ADGRB2: variants seen among roughly 807,000 people sequenced by gnomAD.
ADGRB2 encodes brain-specific angiogenesis inhibitor 2.
ADGRB2 carries 47 observed loss-of-function variants against 178.7 expected under a neutral mutation model. That is an observed-to-expected ratio of 0.26 (90% CI 0.21 to 0.34). ADGRB2 has a LOEUF of 0.34. Ranked by LOEUF, ADGRB2 falls within the 10% of genes least tolerant of loss-of-function variation. The pLI is 1.00. For missense variants in ADGRB2, 1,584 were observed against 2,180.8 expected, an observed-to-expected ratio of 0.73 and a Z score of 5.45; for synonymous variants, 870 against 912.4, an observed-to-expected ratio of 0.95 and a Z score of 0.84.
chr1:31,738,514 G>A, intron 17 of ADGRB2, 73 bp downstream of exon 17: 2 of 1,555,166 alleles, frequency 1.3e-6, no homozygotes, highest in South Asian at 1.2e-5. Flanking sequence ...TTGCCTTTTA[G>A]GCAGGAGACC....
chr1:31,728,803 A>ACAC lies in ADGRB2; in HGVS notation c.4381-171_4381-170insGTG. The stretch of plus-strand genomic sequence containing the variant: ...TGGGGCAGCTTTTCAGGCCTCACTG[A>ACAC]ACACACACACACACACACACACACA... On this transcript the variant is annotated intron_variant, in intron 29 of 32. Transcript: ENST00000373658. This position sits in a 1 kb window ranked among gnomAD's most constrained non-coding sequence, Gnocchi z 6.7. 8.7e-6 allele frequency among the ~76,000 whole-genome samples: 1 copy of ACAC among 115,530 alleles called. No homozygotes were observed. Among genetic ancestry groups the ACAC allele is most frequent in the East Asian group, 2.8e-4 (1 of 3,618 alleles). The allele number at this position is 115,530 out of a possible 152,430, so 75.8% of individuals were successfully genotyped here. A position where few individuals can be genotyped will look rare whatever the true frequency, so the allele number is the denominator to read the frequency against.
In ADGRB2 at chr1:31,740,497, C is replaced by T. The variant is rs567790554; in HGVS notation, c.1839G>A (p.Glu613=). The change falls in exon 12 of 33, where the codon GAG becomes GAA. Residue 613 remains glutamate, a synonymous_variant. Coordinates refer to ENST00000373658, the MANE Select transcript of ADGRB2 (RefSeq NM_001364857.2). The surrounding 1 kb of genome is among the most constrained non-coding windows in gnomAD (Gnocchi z 5.9). ...GGCTGCGCACCACCTGCGACATGCC[C>T]TCGCCTGCCAGCATGCGCTGCCCCT... is the stretch of plus-strand genomic sequence containing the variant. ...LAKGQRMLAG[E]GMSQVVRSLQ... 188 of 1,612,576 alleles carry T rather than the reference C, an allele frequency of 1.2e-4. No individual in the cohort carries two copies. The East Asian group carries it at 3.8e-3, about 33-fold the overall frequency.
At position 31,744,836 on chromosome 1, in the gene ADGRB2, A is replaced by C; in HGVS notation, c.839-105T>G. 9.5e-7 allele frequency: 1 copy of C among 1,053,992 alleles called. No homozygotes were observed. The highest frequency in any genetic ancestry group is 1.5e-6 in the Non-Finnish European group (1 of 686,604). The allele number at this position is 1,053,992 out of a possible 1,614,324, so 65.3% of individuals were successfully genotyped here. A position where few individuals can be genotyped will look rare whatever the true frequency, so the allele number is the denominator to read the frequency against. ...CTTGCCCTCCGCCTGAGGGCCTGGA[A>C]CCAACTGCATGATGCTCTCTCAGGA... On this transcript the variant is annotated intron_variant, in intron 4 of 32. Coordinates refer to ENST00000373658, the MANE Select transcript of ADGRB2 (RefSeq NM_001364857.2). The surrounding 1 kb of genome is among the most constrained non-coding windows in gnomAD (Gnocchi z 6.7).
chr1:31,762,897 G>A (rs1647084074), intron 1 of ADGRB2, among the ~76,000 whole-genome samples: 1 of 152,196 alleles, frequency 6.6e-6, no homozygotes, highest in Admixed American at 6.5e-5. Context: ...CGGCCCGGGC[G>A]CCCCTCCCCC....
At position 31,735,198 on chromosome 1, in the gene ADGRB2, G is replaced by A. The variant is rs1055592389; in HGVS notation, c.3437C>T (p.Ser1146Leu). The A allele has an allele frequency of 1.5e-6, 2 of 1,369,954 alleles. No homozygotes were observed. The highest frequency in any genetic ancestry group is 1.5e-5 in the African/African-American group (1 of 67,406). The allele number at this position is 1,369,954 out of a possible 1,614,324, so 84.9% of individuals were successfully genotyped here. The change falls in exon 25 of 33, where the codon TCG becomes TTG. Residue 1146 changes from serine to leucine, a missense_variant. Around this residue, in one of 3 missense-constraint regions of ADGRB2, gnomAD observed 865 missense variants for 1,192.8 expected, o/e 0.73. Transcript: ENST00000373658. The surrounding 1 kb of genome is among the most constrained non-coding windows in gnomAD (Gnocchi z 6.0). The stretch of plus-strand genomic sequence containing the variant: ...CACGACTAACATGGCGTTCCTGGCC[G>A]AGGCTGAGCTGAGCAGGGGGCTGGG... The part of the protein sequence containing the change: ...AVPSPLLSSA[S>L]ARNAMASLWS...
At chr1:31,738,147 G>T in intron 18 of ADGRB2, 53 bp downstream of exon 18, 1 of 1,595,670 alleles carries the variant, frequency 6.3e-7, no homozygotes, top group South Asian at 1.1e-5. Context: ...GATGGCTGCT[G>T]GAAGCCCAGG....
At position 31,740,929 on chromosome 1, in the gene ADGRB2, T is replaced by TACACACACACACA. The variant is rs1557760334; in HGVS notation, c.1795-389_1795-388insTGTGTGTGTGTGT. On this transcript the variant is annotated intron_variant, in intron 11 of 32. Coordinates refer to ENST00000373658, the MANE Select transcript of ADGRB2 (RefSeq NM_001364857.2). The surrounding 1 kb of genome is among the most constrained non-coding windows in gnomAD (Gnocchi z 5.9). ...CACACACACACACACACACACACTG[T>TACACACACACACA]CTTTCTCTCTCTCACTCTCTCTCAA... is the stretch of plus-strand genomic sequence containing the variant. Among the ~76,000 whole-genome samples the TACACACACACACA allele has an allele frequency of 4.3e-5, 4 of 93,770 alleles. No homozygotes were observed. The highest frequency in any genetic ancestry group is 1.1e-4 in the Admixed American group (1 of 9,420). The allele number at this position is 93,770 out of a possible 152,430, so 61.5% of individuals were successfully genotyped here.
At chr1:31,750,362 T>A (rs1467575836) in intron 4 of ADGRB2, among the ~76,000 whole-genome samples, 2 of 152,216 alleles carry the variant, frequency 1.3e-5, no homozygotes, top group Admixed American at 1.3e-4. Flanking sequence ...CAGATATTGC[T>A]GGGAGTTCCT....
At chr1:31,763,724 G>A (rs1557803098) in intron 1 of ADGRB2, among the ~76,000 whole-genome samples, 160 bp downstream of exon 1, 1 of 152,036 alleles carries the variant, frequency 6.6e-6, no homozygotes, top group Non-Finnish European at 1.5e-5. Context: ...CCCAGAAGAT[G>A]GGGGTGGGCG....
rs568271281 is a variant in ADGRB2, at chr1:31,737,543, C to T, written c.2877-12G>A. The T allele has an allele frequency of 1.2e-4, 198 of 1,613,442 alleles. 1 individual carries two copies. In the South Asian group the frequency reaches 2.0e-3, roughly 16 times the overall value. On this transcript the variant is annotated splice_polypyrimidine_tract_variant and intron_variant, in intron 19 of 32. Coordinates refer to ENST00000373658, the MANE Select transcript of ADGRB2 (RefSeq NM_001364857.2). ...CAGATTTTATGAACCTGCCGGGGCA[C>T]AGCAGGCAGGGACAGAGGCGCTGGC...
intron 18 of ADGRB2, 69 bp downstream of exon 18, chr1:31,738,131 A>G (rs1645728719): frequency 2.5e-6 from 4 of 1,587,334 alleles, no homozygotes; most frequent in Non-Finnish European, 1.7e-6. Flanking sequence ...TGCCAACACC[A>G]TCACTGATGG....
Position 31,732,629 on chromosome 1 carries a change from C to G in ADGRB2, c.3625-17G>C. 1 of 1,612,264 alleles carries G rather than the reference C, an allele frequency of 6.2e-7. No individual in the cohort carries two copies. Among genetic ancestry groups the G allele is most frequent in the South Asian group, 1.1e-5 (1 of 90,812 alleles). ...ATCCTGGACCTGGGGACAGAGGGCG[C>G]CTGCTGGGCCTGAGGCCACTGCAGG... On this transcript the variant is annotated splice_polypyrimidine_tract_variant and intron_variant, in intron 26 of 32. Coordinates refer to ENST00000373658, the MANE Select transcript of ADGRB2 (RefSeq NM_001364857.2).
Position 31,727,158 on chromosome 1 carries a change from C to T in ADGRB2, c.*262G>A, listed in dbSNP as rs533055014. The stretch of plus-strand genomic sequence containing the variant: ...TATTCCCAACAAAGTTCCCCTCCCC[C>T]CTCCCCAGCCCGGGACAGGGACGGA... On this transcript the variant is annotated 3_prime_UTR_variant, in exon 33 of 33. Coordinates refer to ENST00000373658, the MANE Select transcript of ADGRB2 (RefSeq NM_001364857.2). The surrounding 1 kb of genome is among the most constrained non-coding windows in gnomAD (Gnocchi z 4.4). The T allele has an allele frequency of 1.8e-5, 8 of 436,196 alleles. No homozygotes were observed. Among genetic ancestry groups the T allele is most frequent in the African/African-American group, 4.2e-5 (2 of 47,914 alleles). The allele number at this position is 436,196 out of a possible 1,614,324, so 27.0% of individuals were successfully genotyped here. A position where few individuals can be genotyped will look rare whatever the true frequency, so the allele number is the denominator to read the frequency against.
rs1039819508 is a variant in ADGRB2, at chr1:31,741,794, C to A, written c.1585+6G>T. The A allele has an allele frequency of 1.9e-5, 30 of 1,594,548 alleles. No individual in the cohort carries two copies. Among genetic ancestry groups the A allele is most frequent in the Non-Finnish European group, 2.5e-5 (29 of 1,167,070 alleles). On this transcript the variant is annotated splice_donor_region_variant and intron_variant, in intron 9 of 32. Coordinates refer to ENST00000373658, the MANE Select transcript of ADGRB2 (RefSeq NM_001364857.2). This position sits in a 1 kb window ranked among gnomAD's most constrained non-coding sequence, Gnocchi z 6.5. ...CCCCCAGCCCCCAGGGTCATTAGGG[C>A]AGTACCTGGACACCTCTTCTCACTA...
rs1645427170 is a variant in ADGRB2, at chr1:31,733,809, G to A, written c.3453-666C>T. Among the ~76,000 whole-genome samples, 1 of 152,084 alleles carries A rather than the reference G, an allele frequency of 6.6e-6. No homozygotes were observed. The highest frequency in any genetic ancestry group is 1.5e-5 in the Non-Finnish European group (1 of 67,992). The stretch of plus-strand genomic sequence containing the variant: ...GTCGGGCCAGGCCTACACCTCCCTG[G>A]CCTCCCTGCCAGGGGAGGGCAGAAA... On this transcript the variant is annotated intron_variant, in intron 25 of 32. Transcript: ENST00000373658. The surrounding 1 kb of genome is among the most constrained non-coding windows in gnomAD (Gnocchi z 4.3).
chr1:31,752,349 G>C (rs572362486), intron 4 of ADGRB2, among the ~76,000 whole-genome samples: 1 of 152,184 alleles, frequency 6.6e-6, no homozygotes, highest in African/African-American at 2.4e-5. Flanking sequence ...CACAGATCTG[G>C]GCTGGAAGGA....
intron 27 of ADGRB2, 43 bp downstream of exon 27, chr1:31,732,474 G>C: frequency 6.3e-7 from 1 of 1,599,308 alleles, no homozygotes; most frequent in Non-Finnish European, 8.6e-7. Flanking sequence ...GGGGTGGGGG[G>C]TGCCCAGAAT....
At chr1:31,734,438 G>A (rs765966690) in intron 25 of ADGRB2, among the ~76,000 whole-genome samples, 8 of 152,202 alleles carry the variant, frequency 5.3e-5, no homozygotes, top group Non-Finnish European at 1.2e-4. Context: ...GGAGGCAGAC[G>A]GCAGCCCAAG....
In ADGRB2 at chr1:31,739,515, T is replaced by C; in HGVS notation, c.2288A>G (p.Lys763Arg). 6.2e-7 allele frequency: 1 copy of C among 1,613,134 alleles called. No homozygotes were observed. The highest frequency in any genetic ancestry group is 8.5e-7 in the Non-Finnish European group (1 of 1,179,956). Residue 763 changes from lysine to arginine, a missense_variant, in exon 15 of 33, where the codon AAG becomes AGG. Around this residue, in one of 3 missense-constraint regions of ADGRB2, gnomAD observed 865 missense variants for 1,192.8 expected, o/e 0.73. Transcript: ENST00000373658. ...TGGGGAGGAGAGGCTGAGCACCTCC[T>C]TGGGCAGGAAGAGGCGGTCCTCTGA... ...RHSEDRLFLPKEVLSLSSPGK... is the reference protein window; with the variant it reads ...RHSEDRLFLPREVLSLSSPGK...
Sources: gnomAD v4.1 joint callset for allele counts (sites outside exome capture counted in the v4.1 genomes callset) on GRCh38, gnomAD v4.1.1 for gene constraint, gnomAD v4.1.1 regional missense constraint, Gnocchi (gnomAD v3.1) non-coding constraint, MANE v1.5 for transcripts, NCBI Gene and HGNC (gene_info 2026-07-23, HGNC 2026-07-21) for gene names.